The following ATXN1 variants were observed in gnomAD, a reference collection of about 807,000 sequenced individuals.
The protein encoded by ATXN1 is ataxin 1, also known as ataxin-1.
Under a neutral mutation model 56.4 loss-of-function variants are expected in ATXN1, and 8 were observed. The ratio of observed to expected loss-of-function variants is 0.14; its 90% CI spans 0.08 to 0.26. The LOEUF is 0.26. Among genes scored for constraint, ATXN1 ranks in the 10% least tolerant of loss-of-function variants. ATXN1 has a pLI of 1.00. For synonymous variants in ATXN1, 514 were observed against 494.6 expected (o/e 1.04, Z -0.52); for missense variants, 987 against 1,106.5 (o/e 0.89, Z 1.53).
chr6:16,345,205 C>G (rs1289347784), intron 6 of ATXN1, among the ~76,000 whole-genome samples: 1 of 152,130 alleles, frequency 6.6e-6, no homozygotes, highest in Non-Finnish European at 1.5e-5. Context: ...AGAATCTGCC[C>G]CTTGAGATTC....
At chr6:16,513,886 C>A (rs1761128498) in intron 5 of ATXN1, among the ~76,000 whole-genome samples, 1 of 152,108 alleles carries the variant, frequency 6.6e-6, no homozygotes, top group Non-Finnish European at 1.5e-5. Context: ...AGAAAGCAGA[C>A]AAGAAAGGCA....
intron 6 of ATXN1, among the ~76,000 whole-genome samples, chr6:16,436,674 G>A (rs1297632597): frequency 2.6e-5 from 4 of 151,826 alleles, no homozygotes; most frequent in Non-Finnish European, 5.9e-5. Context: ...CATCGAGGTG[G>A]TGTTCCTGGC....
chr6:16,584,277 C>A (rs58868196), intron 4 of ATXN1, among the ~76,000 whole-genome samples: 5 of 130,046 alleles, frequency 3.8e-5, no homozygotes, highest in African/African-American at 1.7e-4. Context: ...CACACATATA[C>A]ACATATATAT....
intron 6 of ATXN1, among the ~76,000 whole-genome samples, chr6:16,396,908 G>A: frequency 6.6e-6 from 1 of 152,204 alleles, no homozygotes; most frequent in East Asian, 1.9e-4. Context: ...AGTGCTGTAG[G>A]CAATCGTAAC....
At chr6:16,623,283 A>G (rs986434987) in intron 3 of ATXN1, among the ~76,000 whole-genome samples, 5 of 152,200 alleles carry the variant, frequency 3.3e-5, no homozygotes, top group African/African-American at 9.7e-5. Flanking sequence ...GATAATACCT[A>G]ACTGTCTTTC....
chr6:16,566,418 T>C (rs965541001), intron 4 of ATXN1, among the ~76,000 whole-genome samples: 1 of 152,046 alleles, frequency 6.6e-6, no homozygotes, highest in Non-Finnish European at 1.5e-5. Flanking sequence ...TCCTGCAGCA[T>C]TGGTGTAACT....
Position 16,760,129 on chromosome 6 carries a change from T to G in ATXN1, c.-730+1169A>C, listed in dbSNP as rs567819777. ...GCCTGCGCGCAGCACTGGAACCACG[T>G]AGGAGGAGGCGGCGGCGCCCCCGGG... is the stretch of plus-strand genomic sequence containing the variant. On this transcript the variant is annotated intron_variant, in intron 1 of 7. Coordinates refer to ENST00000436367, the MANE Select transcript of ATXN1 (RefSeq NM_001128164.2). This position sits in a 1 kb window ranked among gnomAD's most constrained non-coding sequence, Gnocchi z 5.3. 6.6e-6 allele frequency among the ~76,000 whole-genome samples: 1 copy of G among 151,816 alleles called. No homozygotes were observed. Among genetic ancestry groups the G allele is most frequent in the South Asian group, 2.1e-4 (1 of 4,816 alleles).
chr6:16,345,801 A>T (rs904817240), intron 6 of ATXN1, among the ~76,000 whole-genome samples: 7 of 152,214 alleles, frequency 4.6e-5, no homozygotes, highest in Admixed American at 6.5e-5. Context: ...TAATTACAGC[A>T]GCCTCTCCTG....
At chr6:16,707,199 G>A (rs973633642) in intron 2 of ATXN1, among the ~76,000 whole-genome samples, 4 of 152,000 alleles carry the variant, frequency 2.6e-5, no homozygotes, top group African/African-American at 9.7e-5. Context: ...TCTATACTAG[G>A]ACATATACCA....
chr6:16,518,112 C>T (rs1017685661), intron 5 of ATXN1, among the ~76,000 whole-genome samples: 1 of 74,462 alleles, frequency 1.3e-5, no homozygotes, highest in African/African-American at 1.1e-4. Context: ...GAAGCCCAAG[C>T]GCCACGAAGA....
intron 3 of ATXN1, among the ~76,000 whole-genome samples, chr6:16,630,084 A>C (rs1465498015): frequency 6.6e-6 from 1 of 152,104 alleles, no homozygotes; most frequent in Admixed American, 6.5e-5. Flanking sequence ...TGTCATATAA[A>C]TCATGTCTGT....
At position 16,383,522 on chromosome 6, in the gene ATXN1, C is replaced by A. The variant is rs538425785; in HGVS notation, c.-160-55052G>T. On this transcript the variant is annotated intron_variant, in intron 6 of 7. Transcript: ENST00000436367. ...ACTGGATTTATACTGAAATAATTCA[C>A]CACTTATTAAAACACAATTCTTAAA... 1.0e-3 allele frequency among the ~76,000 whole-genome samples: 158 copies of A among 152,264 alleles called. 1 individual carries two copies. Among genetic ancestry groups the A allele is most frequent in the African/African-American group, 3.6e-3 (151 of 41,556 alleles).
At chr6:16,672,851 T>C (rs1758573469) in intron 2 of ATXN1, among the ~76,000 whole-genome samples, 2 of 151,446 alleles carry the variant, frequency 1.3e-5, no homozygotes, top group African/African-American at 4.9e-5. Flanking sequence ...GAAACCCCAC[T>C]CTAGTAAAAA....
intron 6 of ATXN1, among the ~76,000 whole-genome samples, chr6:16,389,173 C>A (rs1758298812): frequency 6.6e-6 from 1 of 151,716 alleles, no homozygotes; most frequent in African/African-American, 2.4e-5. Context: ...CTCGTCTGTA[C>A]TAAAAGTACA....
Position 16,506,713 on chromosome 6 carries a change from G to A in ATXN1, c.-299+15914C>T, listed in dbSNP as rs777142116. On this transcript the variant is annotated intron_variant, in intron 5 of 7. Coordinates refer to ENST00000436367, the MANE Select transcript of ATXN1 (RefSeq NM_001128164.2). This position sits in a 1 kb window ranked among gnomAD's most constrained non-coding sequence, Gnocchi z 4.1. ...TTATTTGTTTCAGTGGAGGCTCACT[G>A]GCAAAATGTGGTCTAGTGGGCCTGA... Among the ~76,000 whole-genome samples the A allele has an allele frequency of 2.0e-5, 3 of 152,164 alleles. No homozygotes were observed. Among genetic ancestry groups the A allele is most frequent in the African/African-American group, 4.8e-5 (2 of 41,444 alleles).
chr6:16,493,923 G>C (rs1266259439), intron 5 of ATXN1, among the ~76,000 whole-genome samples: 1 of 152,206 alleles, frequency 6.6e-6, no homozygotes, highest in Non-Finnish European at 1.5e-5. Context: ...GAGGAATAAA[G>C]AGAAGCTGCC....
chr6:16,321,637 G>C lies in ATXN1; in HGVS notation c.1917+4757C>G, dbSNP rs142377162. Among the ~76,000 whole-genome samples, 133 of 152,336 alleles carry C rather than the reference G, an allele frequency of 8.7e-4. 3 individuals carry two copies. Among genetic ancestry groups the C allele is most frequent in the African/African-American group, 2.8e-3 (117 of 41,572 alleles). On this transcript the variant is annotated intron_variant, in intron 7 of 7. Coordinates refer to ENST00000436367, the MANE Select transcript of ATXN1 (RefSeq NM_001128164.2). ...TTTTTCTCCTACATTGCCTCGTCTGGAGCGTCAGCTGGGACAATGCTGGGG... is the reference window on the plus strand; with the variant it reads ...TTTTTCTCCTACATTGCCTCGTCTGCAGCGTCAGCTGGGACAATGCTGGGG...
chr6:16,582,910 C>CGTTACTTG (rs1762554682), intron 4 of ATXN1, among the ~76,000 whole-genome samples: 1 of 152,168 alleles, frequency 6.6e-6, no homozygotes, highest in South Asian at 2.1e-4. Context: ...TTCCCACTAC[C>CGTTACTTG]GTTACTTGAG....
intron 2 of ATXN1, among the ~76,000 whole-genome samples, chr6:16,661,796 A>G (rs1318476405): frequency 6.6e-6 from 1 of 152,194 alleles, no homozygotes; most frequent in African/African-American, 2.4e-5. Context: ...GAGGCCTGCT[A>G]GCATCTATGT....
Sources: gnomAD v4.1 joint callset for allele counts (sites outside exome capture counted in the v4.1 genomes callset) on GRCh38, gnomAD v4.1.1 for gene constraint, Gnocchi (gnomAD v3.1) non-coding constraint, MANE v1.5 for transcripts, NCBI Gene and HGNC (gene_info 2026-07-23, HGNC 2026-07-21) for gene names.